CSMD3: variants seen among roughly 807,000 people sequenced by gnomAD.
CSMD3 encodes the protein CUB and sushi domain-containing protein 3.
Under a neutral mutation model 435.2 loss-of-function variants are expected in CSMD3, and 177 were observed. The observed-to-expected ratio is 0.41, with a 90% CI of 0.36 to 0.46. The LOEUF (loss-of-function observed/expected upper bound fraction) is 0.46. Among genes scored for constraint, CSMD3 ranks in the 20% least tolerant of loss-of-function variants. The pLI, the probability that CSMD3 is intolerant of heterozygous loss-of-function variation, is 0.34. For synonymous variants in CSMD3, 1,656 were observed against 1,520.5 expected (o/e 1.09, Z -2.07); for missense variants, 4,265 against 4,504.6 (o/e 0.95, Z 1.52).
intron 2 of CSMD3, among the ~76,000 whole-genome samples, chr8:113,283,481 C>A (rs572301019): frequency 2.0e-5 from 3 of 152,134 alleles, no homozygotes; most frequent in African/African-American, 7.2e-5. Context: ...TGAAAAAATA[C>A]TCAACATCAC....
In CSMD3 at chr8:112,341,524, TG is replaced by T; in HGVS notation, c.6604del (p.His2202ThrfsTer34). 6.2e-7 allele frequency: 1 copy of T among 1,613,440 alleles called. No homozygotes were observed. The highest frequency in any genetic ancestry group is 8.5e-7 in the Non-Finnish European group (1 of 1,179,432). Reference sequence around the variant, plus strand: ...TTGTTTGTTTTGTGAATAGTCACTGTGAAAATATAAGCTGGTTTCATGGGTG... The same window carrying T: ...TTGTTTGTTTTGTGAATAGTCACTGTAAAATATAAGCTGGTTTCATGGGTG... The part of the protein sequence containing the change: ...STTHETSLYF[H>X]SDYSQNKQGF... On this transcript the variant is annotated frameshift_variant, in exon 42 of 71. Transcript: ENST00000297405. LOFTEE classifies it high-confidence loss of function.
At chr8:112,561,510 T>C (rs1002479056) in intron 24 of CSMD3, among the ~76,000 whole-genome samples, 1 of 151,640 alleles carries the variant, frequency 6.6e-6, no homozygotes, top group African/African-American at 2.4e-5. Flanking sequence ...AACCACTAGC[T>C]CTATCAGATT....
In CSMD3 at chr8:113,209,856, T is replaced by C. The variant is rs191390792; in HGVS notation, c.515-35940A>G. ...AATATTAAGTTTAGCTAATCATGGT[T>C]ACATTCATTTATTATGTTATTTTTG... On this transcript the variant is annotated intron_variant, in intron 3 of 70. Transcript: ENST00000297405. Among the ~76,000 whole-genome samples, 1,006 of 152,254 alleles carry C rather than the reference T, an allele frequency of 6.6e-3. 11 individuals are homozygous for C. The highest frequency in any genetic ancestry group is 0.022 in the African/African-American group (905 of 41,576).
chr8:112,848,915 AC>A (rs1288045921), intron 11 of CSMD3, among the ~76,000 whole-genome samples: 2 of 152,080 alleles, frequency 1.3e-5, no homozygotes, highest in Non-Finnish European at 2.9e-5. Context: ...TCATTAATTC[AC>A]CTTGGTCATG....
At chr8:113,076,852 T>TTTTAAAATTTCA (rs2089359687) in intron 5 of CSMD3, among the ~76,000 whole-genome samples, 4 of 152,166 alleles carry the variant, frequency 2.6e-5, no homozygotes, top group African/African-American at 4.8e-5. Context: ...AGCACAAAGA[T>TTTTAAAATTTCA]ACTAAACTTT....
chr8:112,506,821 C>T lies in CSMD3; in HGVS notation c.4765G>A (p.Gly1589Arg), dbSNP rs140438783. The change falls in exon 29 of 71, where the codon GGA becomes AGA. Residue 1589 changes from glycine (G) to arginine (R), a missense_variant. By Grantham distance (125) the Gly-to-Arg change is moderately radical (BLOSUM62 -2). This residue lies in a region of CSMD3 where 3,255 missense variants were observed against 3,380.2 expected (regional missense o/e 0.96). Coordinates refer to ENST00000297405, the MANE Select transcript of CSMD3 (RefSeq NM_198123.2). Reference protein sequence around the residue: ...PSPPVCIAPCGGNLTGSSGFI... With the variant: ...PSPPVCIAPCRGNLTGSSGFI... The stretch of plus-strand genomic sequence containing the variant: ...CCTGAAGATCCTGTTAAATTGCCTC[C>T]ACAGGGTGCTTTAATTTAAACAAAC... 1.6e-5 allele frequency: 25 copies of T among 1,612,486 alleles called. No homozygotes were observed. In the African/African-American group the frequency reaches 3.1e-4, roughly 20 times the overall value.
At chr8:112,544,310 A>G (rs1826955470) in intron 27 of CSMD3, among the ~76,000 whole-genome samples, 1 of 152,146 alleles carries the variant, frequency 6.6e-6, no homozygotes, top group African/African-American at 2.4e-5. Flanking sequence ...CATATTTAAT[A>G]TATCAGGTAC....
chr8:113,294,444 A>C (rs1473416920), intron 2 of CSMD3, among the ~76,000 whole-genome samples: 1 of 152,132 alleles, frequency 6.6e-6, no homozygotes, highest in Non-Finnish European at 1.5e-5. Context: ...TGAGAATATA[A>C]ATTTCTCGTT....
At chr8:113,073,829 T>C (rs1254995422) in intron 5 of CSMD3, among the ~76,000 whole-genome samples, 1 of 151,814 alleles carries the variant, frequency 6.6e-6, no homozygotes, top group Non-Finnish European at 1.5e-5. Flanking sequence ...TTTTAGTCCC[T>C]ATGTTCCCCA....
chr8:112,707,932 T>C (rs1324229091), intron 13 of CSMD3, among the ~76,000 whole-genome samples: 9 of 152,110 alleles, frequency 5.9e-5, no homozygotes, highest in Non-Finnish European at 8.8e-5. Context: ...CAATAGTACA[T>C]GCCAGACATA....
intron 7 of CSMD3, among the ~76,000 whole-genome samples, chr8:112,961,577 G>A (rs2084231483): frequency 6.6e-6 from 1 of 151,820 alleles, no homozygotes; most frequent in Non-Finnish European, 1.5e-5. Context: ...AGAAATAAGT[G>A]TAAATTTTTC....
chr8:112,863,218 C>T (rs1307956479), intron 10 of CSMD3, among the ~76,000 whole-genome samples: 1 of 151,862 alleles, frequency 6.6e-6, no homozygotes, highest in Non-Finnish European at 1.5e-5. Context: ...CTGTCAGTGT[C>T]TTCTTTTAGA....
intron 16 of CSMD3, among the ~76,000 whole-genome samples, chr8:112,682,032 A>C (rs952903496): frequency 3.9e-5 from 6 of 152,240 alleles, no homozygotes; most frequent in African/African-American, 1.4e-4. Flanking sequence ...TTTAGCTTAA[A>C]TGTATTTATT....
At chr8:112,256,773 G>A (rs912149807) in intron 61 of CSMD3, among the ~76,000 whole-genome samples, 1 of 152,164 alleles carries the variant, frequency 6.6e-6, no homozygotes, top group Non-Finnish European at 1.5e-5. Flanking sequence ...TCCCTCTGAA[G>A]CAAACAAACA....
intron 62 of CSMD3, among the ~76,000 whole-genome samples, 166 bp downstream of exon 62, chr8:112,255,088 T>A (rs540620158): frequency 6.6e-6 from 1 of 152,168 alleles, no homozygotes; most frequent in Non-Finnish European, 1.5e-5. Flanking sequence ...AAATTAATGT[T>A]GTATTTTCTA....
chr8:112,687,141 T>C (rs2076030618), intron 14 of CSMD3, among the ~76,000 whole-genome samples: 1 of 152,010 alleles, frequency 6.6e-6, no homozygotes, highest in African/African-American at 2.4e-5. Context: ...ATTTCTGATT[T>C]AAAGTTATTT....
chr8:113,173,615 C>G, intron 4 of CSMD3, 107 bp downstream of exon 4: 1 of 919,726 alleles, frequency 1.1e-6, no homozygotes, highest in Non-Finnish European at 1.8e-6. Context: ...AGTCACCATG[C>G]CTGGCCTCTC....
At chr8:113,265,252 G>C (rs2132380106) in intron 3 of CSMD3, among the ~76,000 whole-genome samples, 1 of 151,580 alleles carries the variant, frequency 6.6e-6, no homozygotes, top group Non-Finnish European at 1.5e-5. Flanking sequence ...GGAAAGATAA[G>C]TATGTGAGCC....
At chr8:112,917,868 A>G (rs1467899305) in intron 10 of CSMD3, among the ~76,000 whole-genome samples, 1 of 151,958 alleles carries the variant, frequency 6.6e-6, no homozygotes, top group Non-Finnish European at 1.5e-5. Flanking sequence ...AGATGTGTCA[A>G]TTCACATTGT....
Sources: gnomAD v4.1 joint callset for allele counts (sites outside exome capture counted in the v4.1 genomes callset) on GRCh38, gnomAD v4.1.1 for gene constraint, gnomAD v4.1.1 regional missense constraint, MANE v1.5 for transcripts, NCBI Gene and HGNC (gene_info 2026-07-23, HGNC 2026-07-21) for gene names.